The following ZNF280D variants were observed in gnomAD, a reference collection of about 807,000 sequenced individuals.
The protein encoded by ZNF280D is suppressor of hairy wing homolog 4.
In ZNF280D, 39 loss-of-function variants were observed where a neutral mutation model predicts 94.7. The ratio of observed to expected loss-of-function variants is 0.41; its 90% CI spans 0.32 to 0.54. The LOEUF is 0.54. ZNF280D is among the 20% of genes least tolerant of loss of function. ZNF280D has a pLI of 0.22. For synonymous variants in ZNF280D, 398 were observed against 377.6 expected (o/e 1.05, Z -0.63); for missense variants, 1,090 against 1,149.3 (o/e 0.95, Z 0.75).
At chr15:56,680,992 T>G (rs762951966) in intron 10 of ZNF280D, among the ~76,000 whole-genome samples, 5 of 152,212 alleles carry the variant, frequency 3.3e-5, no homozygotes, top group Non-Finnish European at 5.9e-5. Flanking sequence ...CAACGTTTTA[T>G]CTCAAAATAC....
At chr15:56,696,997 G>A (rs11637132) in intron 6 of ZNF280D, among the ~76,000 whole-genome samples, 10,933 of 151,880 alleles carry the variant, frequency 0.072, 551 homozygotes, top group Non-Finnish European at 0.11. Flanking sequence ...CCCCATCCTC[G>A]GTCAAACGTT....
intron 1 of ZNF280D, among the ~76,000 whole-genome samples, chr15:56,723,430 G>A (rs1336726658): frequency 3.3e-5 from 5 of 152,084 alleles, no homozygotes; most frequent in African/African-American, 7.2e-5. Context: ...TTCCTTTTGA[G>A]GAGCTGAAAA....
Position 56,676,827 on chromosome 15 carries a change from A to G in ZNF280D, c.1264-11T>C, listed in dbSNP as rs755834188. On this transcript the variant is annotated splice_polypyrimidine_tract_variant and intron_variant, in intron 12 of 21. Transcript: ENST00000267807. The stretch of plus-strand genomic sequence containing the variant: ...TCTATAATTACAAACCTAAAAAAAG[A>G]AAGAAGGCTTAGTTTAACTTGAAAA... 6 of 1,572,118 alleles carry G rather than the reference A, an allele frequency of 3.8e-6. No individual in the cohort carries two copies. The Admixed American group carries it at 1.1e-4, about 30-fold the overall frequency.
In ZNF280D at chr15:56,638,519, A is replaced by C. The variant is rs1473642148; in HGVS notation, c.2260-3269T>G. ...GGGTGAGGCTGGGTATTCTTCATAC[A>C]TTTCAACCAAAAGAATGTATCACAA... On this transcript the variant is annotated intron_variant, in intron 20 of 21. Coordinates refer to ENST00000267807, the MANE Select transcript of ZNF280D (RefSeq NM_017661.4). Among the ~76,000 whole-genome samples, 5 of 152,178 alleles carry C rather than the reference A, an allele frequency of 3.3e-5. No homozygotes were observed. The East Asian group carries it at 9.6e-4, about 29-fold the overall frequency.
intron 19 of ZNF280D, chr15:56,653,567 A>C (rs1188460445): frequency 6.6e-7 from 1 of 1,511,122 alleles, no homozygotes. Context: ...TATACCCTGG[A>C]TATTTTTTGA....
At chr15:56,728,770 C>T (rs1177136497) in intron 1 of ZNF280D, among the ~76,000 whole-genome samples, 1 of 152,158 alleles carries the variant, frequency 6.6e-6, no homozygotes, top group East Asian at 1.9e-4. Flanking sequence ...ACTTCCAGTA[C>T]TCATACAACC....
In ZNF280D at chr15:56,640,866, T is replaced by A. The variant is rs185551712; in HGVS notation, c.2259+2086A>T. 1.2e-4 allele frequency among the ~76,000 whole-genome samples: 19 copies of A among 152,302 alleles called. No individual in the cohort carries two copies. In the East Asian group the frequency reaches 3.7e-3, roughly 29 times the overall value. ...ATTGTATGTTATTGATATCAAATGC[T>A]GCTTTAAACTATTTCATATAGAATT... On this transcript the variant is annotated intron_variant, in intron 20 of 21. Coordinates refer to ENST00000267807, the MANE Select transcript of ZNF280D (RefSeq NM_017661.4).
chr15:56,693,304 TTA>T lies in ZNF280D; in HGVS notation c.382-91_382-90del, dbSNP rs1364085622. 10 of 347,862 alleles carry T rather than the reference TTA, an allele frequency of 2.9e-5. No individual in the cohort carries two copies. In the Admixed American group the frequency reaches 3.2e-4, roughly 11 times the overall value. 21.5% of individuals were successfully genotyped at this position (347,862 alleles called of 1,614,324 possible). A position where few individuals can be genotyped will look rare whatever the true frequency, so the allele number is the denominator to read the frequency against. ...TTATATATTATGTAATTTTATATAATTATATAAGAATTTTATTTCATAGACAT... is the reference window on the plus strand; with the variant it reads ...TTATATATTATGTAATTTTATATAATTATAAGAATTTTATTTCATAGACAT... On this transcript the variant is annotated intron_variant, in intron 6 of 21. Transcript: ENST00000267807.
intron 4 of ZNF280D, among the ~76,000 whole-genome samples, chr15:56,701,997 C>A (rs2057104428): frequency 7.5e-6 from 1 of 132,828 alleles, no homozygotes; most frequent in Non-Finnish European, 1.6e-5. Flanking sequence ...CCTAAAATTG[C>A]TGGTTAGAAA....
chr15:56,655,972 C>T (rs145024669), intron 17 of ZNF280D, among the ~76,000 whole-genome samples: 1 of 152,208 alleles, frequency 6.6e-6, no homozygotes, highest in East Asian at 1.9e-4. Flanking sequence ...ACTAGAATGC[C>T]CCGTGCCTCT....
At chr15:56,689,533 T>C in intron 7 of ZNF280D, 63 bp from the exon 8 acceptor site, 1 of 1,038,800 alleles carries the variant, frequency 9.6e-7, no homozygotes. Context: ...TACATCTGAG[T>C]AAAAATATTT....
At position 56,676,552 on chromosome 15, in the gene ZNF280D, T is replaced by C. The variant is rs191406699; in HGVS notation, c.1410+118A>G. ...CAATTCAACTTGAAGTGTAAATTAA[T>C]AGTGTCATTTGGAACAACTCTGCTT... On this transcript the variant is annotated intron_variant, in intron 13 of 21. Transcript: ENST00000267807. 5 of 810,010 alleles carry C rather than the reference T, an allele frequency of 6.2e-6. No homozygotes were observed. The Admixed American group carries it at 1.3e-4, about 22-fold the overall frequency. 50.2% of individuals were successfully genotyped at this position (810,010 alleles called of 1,614,324 possible).
At chr15:56,691,869 T>C (rs2056442802) in intron 7 of ZNF280D, among the ~76,000 whole-genome samples, 1 of 152,160 alleles carries the variant, frequency 6.6e-6, no homozygotes, top group Non-Finnish European at 1.5e-5. Context: ...GTTCCAGATG[T>C]GAAGAATGAA....
chr15:56,707,967 G>C (rs2057517603), intron 1 of ZNF280D, among the ~76,000 whole-genome samples: 1 of 151,798 alleles, frequency 6.6e-6, no homozygotes, highest in Non-Finnish European at 1.5e-5. Context: ...TATTTGAATT[G>C]CTTTATTCAA....
Position 56,678,812 on chromosome 15 carries a change from G to A in ZNF280D, c.1014C>T (p.Asn338=), listed in dbSNP as rs781039090. ...CAAGTTCCAAATGGTGTTTCATGTG[G>A]TTCATAAACCTATAAATGGTTGTCA... ...KILKNNIRFM[N]HMKHHLELEK... The change falls in exon 11 of 22, where the codon AAC becomes AAT. Residue 338 remains asparagine (N), a synonymous_variant. Coordinates refer to ENST00000267807, the MANE Select transcript of ZNF280D (RefSeq NM_017661.4). The A allele has an allele frequency of 1.9e-5, 31 of 1,598,550 alleles. No individual in the cohort carries two copies. The Admixed American group carries it at 3.7e-4, about 19-fold the overall frequency.
chr15:56,716,205 T>C (rs1473533075), intron 1 of ZNF280D, among the ~76,000 whole-genome samples: 1 of 152,092 alleles, frequency 6.6e-6, no homozygotes, highest in African/African-American at 2.4e-5. Flanking sequence ...ACATACTTAC[T>C]GCACTCATGA....
At chr15:56,672,661 GTGTT>G (rs757293608) in intron 13 of ZNF280D, among the ~76,000 whole-genome samples, 185 of 151,772 alleles carry the variant, frequency 1.2e-3, no homozygotes, top group African/African-American at 2.8e-3. Context: ...TTTTTTGTGT[GTGTT>G]TGTTTGTTTG....
chr15:56,654,929 A>G, intron 17 of ZNF280D: 1 of 376,488 alleles, frequency 2.7e-6, no homozygotes, highest in Non-Finnish European at 5.5e-6. Flanking sequence ...TTGTGAATAT[A>G]ATGGTGAACA....
chr15:56,653,644 A>G (rs1253458114), intron 19 of ZNF280D: 1 of 1,418,634 alleles, frequency 7.0e-7, no homozygotes, highest in Non-Finnish European at 9.2e-7. Context: ...ACGAATGAGA[A>G]AAAGACAATT....
Sources: gnomAD v4.1 joint callset for allele counts (sites outside exome capture counted in the v4.1 genomes callset) on GRCh38, gnomAD v4.1.1 for gene constraint, MANE v1.5 for transcripts, NCBI Gene and HGNC (gene_info 2026-07-23, HGNC 2026-07-21) for gene names.